Variants in ASXL2 observed in about 807,000 individuals in gnomAD.
The protein encoded by ASXL2 is ASXL transcriptional regulator 2.
ASXL2 carries 23 observed loss-of-function variants against 122.0 expected under a neutral mutation model. The observed-to-expected ratio is 0.19, with a 90% CI of 0.14 to 0.27. The LOEUF is 0.27. ASXL2 is among the 10% of genes least tolerant of loss of function. ASXL2 has a pLI of 1.00. For missense variants in ASXL2, 1,518 were observed against 1,713.8 expected (o/e 0.89, Z 2.02); for synonymous variants, 650 against 637.0 (o/e 1.02, Z -0.31).
chr2:25,765,415 G>C (rs960536174), intron 8 of ASXL2, among the ~76,000 whole-genome samples: 2 of 152,012 alleles, frequency 1.3e-5, no homozygotes, highest in Admixed American at 6.6e-5. Context: ...GAACACGGGA[G>C]GCAGAGCTTG....
Position 25,862,819 on chromosome 2 carries a change from T to C in ASXL2, c.57+15347A>G, listed in dbSNP as rs1051782577. ...TAGGGTTTCACCATGTTGGCTAGGC[T>C]GGTCTTGAACTCCTGACCTCAGGTG... On this transcript the variant is annotated intron_variant, in intron 1 of 12. Coordinates refer to ENST00000435504, the MANE Select transcript of ASXL2 (RefSeq NM_018263.6). 2.0e-4 allele frequency among the ~76,000 whole-genome samples: 31 copies of C among 151,848 alleles called. 1 individual carries two copies. Among genetic ancestry groups the C allele is most frequent in the Non-Finnish European group, 1.5e-5 (1 of 67,994 alleles).
intron 3 of ASXL2, among the ~76,000 whole-genome samples, chr2:25,824,604 C>G (rs1256513263): frequency 1.3e-5 from 2 of 152,156 alleles, no homozygotes; most frequent in Non-Finnish European, 2.9e-5. Context: ...AAGAATCGAA[C>G]AAAATCAGAA....
At chr2:25,875,413 C>T (rs2090002109) in intron 1 of ASXL2, among the ~76,000 whole-genome samples, 2 of 152,018 alleles carry the variant, frequency 1.3e-5, no homozygotes, top group South Asian at 2.1e-4. Flanking sequence ...GGCTTTAGTG[C>T]ACCACGATCA....
At chr2:25,822,048 A>G (rs1006820849) in intron 3 of ASXL2, among the ~76,000 whole-genome samples, 11 of 152,234 alleles carry the variant, frequency 7.2e-5, no homozygotes, top group Non-Finnish European at 1.5e-5. Context: ...ACTGGCAAGA[A>G]GCCTATCAAC....
chr2:25,813,075 AC>A (rs527550141), intron 3 of ASXL2, among the ~76,000 whole-genome samples: 9 of 152,228 alleles, frequency 5.9e-5, no homozygotes, highest in Non-Finnish European at 1.2e-4. Flanking sequence ...AAGAAAAAAA[AC>A]ATTTTCAATA....
chr2:25,816,402 A>C (rs576129834), intron 3 of ASXL2, among the ~76,000 whole-genome samples: 1 of 152,188 alleles, frequency 6.6e-6, no homozygotes, highest in Non-Finnish European at 1.5e-5. Flanking sequence ...ACAGTAAGTG[A>C]AATATATTTC....
At chr2:25,870,072 A>C (rs1355884529) in intron 1 of ASXL2, among the ~76,000 whole-genome samples, 2 of 152,112 alleles carry the variant, frequency 1.3e-5, no homozygotes, top group African/African-American at 2.4e-5. Flanking sequence ...TGATGAAAGA[A>C]GCATTCGTTA....
rs749488810 is a variant in ASXL2 at position 25,736,786 on chromosome 2, C to T, written c.*5243G>A. ...GTCAGTTTTATGGGTCATCAAGATACACTCTCGAAAATCTGACCTTAACAA... is the reference window on the plus strand; with the variant it reads ...GTCAGTTTTATGGGTCATCAAGATATACTCTCGAAAATCTGACCTTAACAA... On this transcript the variant is annotated 3_prime_UTR_variant, in exon 13 of 13. Coordinates refer to ENST00000435504, the MANE Select transcript of ASXL2 (RefSeq NM_018263.6). The T allele has an allele frequency of 4.6e-5, 7 of 152,138 alleles. No individual in the cohort carries two copies. The highest frequency in any genetic ancestry group is 1.0e-4 in the Non-Finnish European group (7 of 68,030). The allele number at this position is 152,138 out of a possible 1,614,324, so 9.4% of individuals were successfully genotyped here. A position where few individuals can be genotyped will look rare whatever the true frequency, so the allele number is the denominator to read the frequency against.
At position 25,743,269 on chromosome 2, in the gene ASXL2, GT is replaced by G; in HGVS notation, c.3067del (p.Thr1023ProfsTer22). The G allele has an allele frequency of 6.2e-7, 1 of 1,613,696 alleles. No homozygotes were observed. The highest frequency in any genetic ancestry group is 8.5e-7 in the Non-Finnish European group (1 of 1,179,734). On this transcript the variant is annotated frameshift_variant, in exon 13 of 13. Coordinates refer to ENST00000435504, the MANE Select transcript of ASXL2 (RefSeq NM_018263.6). LOFTEE classifies it high-confidence loss of function. ...HPATQQQLGK[T>X]LQSKQLPQVP... ...CTGGGGGAGCTGCTTACTTTGCAAG[GT>G]TTTGCCCAGCTGCTGCTGCGTAGCT...
At chr2:25,773,749 C>T (rs1350185784) in intron 5 of ASXL2, among the ~76,000 whole-genome samples, 1 of 151,382 alleles carries the variant, frequency 6.6e-6, no homozygotes, top group East Asian at 1.9e-4. Flanking sequence ...AAAATTTATA[C>T]TATGCAGCTG....
chr2:25,770,371 C>A (rs1176215060), intron 6 of ASXL2, among the ~76,000 whole-genome samples: 1 of 152,112 alleles, frequency 6.6e-6, no homozygotes, highest in Non-Finnish European at 1.5e-5. Context: ...GAACTCCTGA[C>A]CTCAGGTGAT....
chr2:25,756,211 T>C (rs778662308), intron 9 of ASXL2, 97 bp from the exon 10 acceptor site: 40 of 543,788 alleles, frequency 7.4e-5, no homozygotes, highest in Middle Eastern at 9.0e-4. Flanking sequence ...AATGTATATA[T>C]ATTTATTTTA....
In ASXL2 at chr2:25,735,464, G is replaced by A. The variant is rs1031646272; in HGVS notation, c.*6565C>T. The A allele has an allele frequency of 6.6e-6, 1 of 152,006 alleles. No individual in the cohort carries two copies. The highest frequency in any genetic ancestry group is 1.5e-5 in the Non-Finnish European group (1 of 67,968). The allele number at this position is 152,006 out of a possible 1,614,324, so 9.4% of individuals were successfully genotyped here. ...GCCACTTCTACATTAGAATAGAAAAGGACACAAAAGTAATTTTATCCATTA... is the reference window on the plus strand; with the variant it reads ...GCCACTTCTACATTAGAATAGAAAAAGACACAAAAGTAATTTTATCCATTA... On this transcript the variant is annotated 3_prime_UTR_variant, in exon 13 of 13. Transcript: ENST00000435504.
chr2:25,809,775 G>C, intron 3 of ASXL2: 2 of 393,088 alleles, frequency 5.1e-6, no homozygotes, highest in Non-Finnish European at 9.9e-6. Flanking sequence ...GGAAGAGGCA[G>C]AGACAGTTTA....
intron 3 of ASXL2, among the ~76,000 whole-genome samples, chr2:25,806,553 T>C (rs2089085137): frequency 6.6e-6 from 1 of 152,248 alleles, no homozygotes; most frequent in Admixed American, 6.5e-5. Context: ...AGTAATTCCT[T>C]AATGCTGATC....
At chr2:25,859,242 A>G (rs2089818290) in intron 1 of ASXL2, among the ~76,000 whole-genome samples, 1 of 152,158 alleles carries the variant, frequency 6.6e-6, no homozygotes, top group South Asian at 2.1e-4. Flanking sequence ...ACACCCAGCT[A>G]AGAAACCTGA....
At chr2:25,745,919 T>G (rs966591762) in intron 12 of ASXL2, among the ~76,000 whole-genome samples, 1 of 151,896 alleles carries the variant, frequency 6.6e-6, no homozygotes, top group African/African-American at 2.4e-5. Flanking sequence ...GTGCTGGGAT[T>G]ACAGGCGTGA....
At chr2:25,868,558 A>G (rs1343528895) in intron 1 of ASXL2, among the ~76,000 whole-genome samples, 1 of 152,238 alleles carries the variant, frequency 6.6e-6, no homozygotes, top group Non-Finnish European at 1.5e-5. Flanking sequence ...GTCAGACTTA[A>G]GAATTATCAC....
At chr2:25,810,042 C>A (rs532233059) in intron 3 of ASXL2, 7 of 551,726 alleles carry the variant, frequency 1.3e-5, no homozygotes, top group African/African-American at 7.6e-5. Flanking sequence ...AGCTTGGCTA[C>A]CGATCTCTCA....
Sources: allele counts gnomAD v4.1 joint callset (sites outside exome capture counted in the v4.1 genomes callset), GRCh38; gene constraint gnomAD v4.1.1; transcripts MANE v1.5; gene names NCBI Gene and HGNC (gene_info 2026-07-23, HGNC 2026-07-21).